ADGRL2: variants seen among roughly 807,000 people sequenced by gnomAD.
The protein encoded by ADGRL2 is adhesion G protein-coupled receptor L2.
ADGRL2 carries 44 observed loss-of-function variants against 157.4 expected under a neutral mutation model. The ratio of observed to expected loss-of-function variants is 0.28; its 90% CI spans 0.22 to 0.36. ADGRL2 has a LOEUF of 0.36. Among genes scored for constraint, ADGRL2 ranks in the 10% least tolerant of loss-of-function variants. The pLI is 1.00. For missense variants in ADGRL2, 1,510 were observed against 1,768.9 expected, an observed-to-expected ratio of 0.85 and a Z score of 2.63; for synonymous variants, 585 against 624.7, an observed-to-expected ratio of 0.94 and a Z score of 0.95.
chr1:81,446,471 T>C (rs1488101712), intron 2 of ADGRL2, among the ~76,000 whole-genome samples: 1 of 152,166 alleles, frequency 6.6e-6, no homozygotes, highest in Non-Finnish European at 1.5e-5. Context: ...GATTTGCCAA[T>C]AGTCCATGTT....
intron 3 of ADGRL2, among the ~76,000 whole-genome samples, chr1:81,670,272 A>G (rs780644301): frequency 2.6e-5 from 4 of 152,190 alleles, no homozygotes; most frequent in Non-Finnish European, 5.9e-5. Flanking sequence ...CTAAATTCTC[A>G]ATGCATTTGC....
At chr1:81,504,647 G>T (rs1325667112) in intron 2 of ADGRL2, among the ~76,000 whole-genome samples, 1 of 152,144 alleles carries the variant, frequency 6.6e-6, no homozygotes, top group Non-Finnish European at 1.5e-5. Context: ...ACGACTCAGG[G>T]ATCACGGGGG....
At chr1:81,613,686 G>T (rs1054234585) in intron 3 of ADGRL2, among the ~76,000 whole-genome samples, 1 of 152,182 alleles carries the variant, frequency 6.6e-6, no homozygotes, top group Non-Finnish European at 1.5e-5. Context: ...CAGAGAAATA[G>T]AATGATCAGA....
At chr1:81,808,007 C>G (rs1426529977) in intron 1 of ADGRL2, among the ~76,000 whole-genome samples, 1 of 150,526 alleles carries the variant, frequency 6.6e-6, no homozygotes, top group East Asian at 2.0e-4. Context: ...TAAACATTAT[C>G]TAAAGGAAAA....
intron 3 of ADGRL2, among the ~76,000 whole-genome samples, chr1:81,582,331 A>G (rs2080933159): frequency 6.6e-6 from 1 of 152,106 alleles, no homozygotes; most frequent in African/African-American, 2.4e-5. Flanking sequence ...TATTTTCTAA[A>G]ATGGTTGCCG....
chr1:81,482,851 T>C (rs564773478), intron 2 of ADGRL2, among the ~76,000 whole-genome samples: 17 of 151,448 alleles, frequency 1.1e-4, no homozygotes, highest in African/African-American at 3.4e-4. Flanking sequence ...ATTTTATACA[T>C]TATATTTATA....
At chr1:81,350,205 A>G (rs1215765407) in intron 1 of ADGRL2, among the ~76,000 whole-genome samples, 1 of 152,216 alleles carries the variant, frequency 6.6e-6, no homozygotes, top group African/African-American at 2.4e-5. Context: ...CTTTGAGTTC[A>G]TAAGTGCATA....
At chr1:81,621,920 G>A (rs1254969958) in intron 3 of ADGRL2, among the ~76,000 whole-genome samples, 1 of 152,184 alleles carries the variant, frequency 6.6e-6, no homozygotes, top group Non-Finnish European at 1.5e-5. Flanking sequence ...CCTGGTTGTA[G>A]TTTATCATAT....
At chr1:81,568,980 C>T (rs1189425227) in intron 2 of ADGRL2, among the ~76,000 whole-genome samples, 3 of 152,120 alleles carry the variant, frequency 2.0e-5, no homozygotes, top group African/African-American at 7.2e-5. Flanking sequence ...TCTATCGCAT[C>T]CCCTTTAGGT....
Position 81,726,866 on chromosome 1 carries a change from C to T in ADGRL2, c.-143+27058C>T, listed in dbSNP as rs114480540. On this transcript the variant is annotated intron_variant, in intron 1 of 20. Transcript: ENST00000359929. ...GGCCTGAATAAGAATCCATCCTAAGCTATCATTAGGGATTCACTGCTTTTA... is the reference window on the plus strand; with the variant it reads ...GGCCTGAATAAGAATCCATCCTAAGTTATCATTAGGGATTCACTGCTTTTA... Among the ~76,000 whole-genome samples the T allele has an allele frequency of 6.8e-3, 1,039 of 152,248 alleles. 16 individuals carry two copies. The highest frequency in any genetic ancestry group is 0.024 in the African/African-American group (992 of 41,548).
At chr1:81,464,804 G>T (rs901482563) in intron 2 of ADGRL2, among the ~76,000 whole-genome samples, 2 of 152,004 alleles carry the variant, frequency 1.3e-5, no homozygotes, top group Admixed American at 6.6e-5. Flanking sequence ...ATGAGGGGTG[G>T]CATATAATTA....
chr1:81,592,469 T>C (rs1390677649), intron 3 of ADGRL2, among the ~76,000 whole-genome samples: 2 of 152,208 alleles, frequency 1.3e-5, no homozygotes, highest in African/African-American at 4.8e-5. Context: ...CTAACAATAA[T>C]GCATCTGCCA....
Position 81,944,644 on chromosome 1 carries a change from C to T in ADGRL2, c.1210+875C>T, listed in dbSNP as rs372669736. 1.5e-4 allele frequency among the ~76,000 whole-genome samples: 23 copies of T among 152,046 alleles called. 1 individual carries two copies. The highest frequency in any genetic ancestry group is 5.5e-4 in the African/African-American group (23 of 41,512). On this transcript the variant is annotated intron_variant, in intron 6 of 23. Transcript: ENST00000686636. ...TATTTGAACAGTGTTTGTTTAAGAT[C>T]TGAATATCCTAATTTACTGAGTTAA...
At chr1:81,766,306 C>T (rs2149326924) in intron 2 of ADGRL2, among the ~76,000 whole-genome samples, 1 of 152,140 alleles carries the variant, frequency 6.6e-6, no homozygotes, top group Middle Eastern at 3.4e-3. Flanking sequence ...GAGTGGTTAG[C>T]CCATTTTGTT....
At chr1:81,451,822 CTA>C (rs1160408976) in intron 2 of ADGRL2, among the ~76,000 whole-genome samples, 3 of 152,216 alleles carry the variant, frequency 2.0e-5, no homozygotes, top group East Asian at 1.9e-4. Context: ...TAAAACCACT[CTA>C]TTTTATCTCA....
chr1:81,798,178 T>C (rs953876285), upstream of ADGRL2, among the ~76,000 whole-genome samples: 1 of 152,132 alleles, frequency 6.6e-6, no homozygotes, highest in African/African-American at 2.4e-5. Flanking sequence ...ACCTGTATTG[T>C]TATAAATTAT....
intron 1 of ADGRL2, among the ~76,000 whole-genome samples, chr1:81,802,915 C>T (rs2088490734): frequency 6.6e-6 from 1 of 152,236 alleles, no homozygotes; most frequent in East Asian, 1.9e-4. Flanking sequence ...CCGGGACTGG[C>T]TACGATTGGG....
chr1:81,476,490 A>C (rs1301350605), intron 2 of ADGRL2, among the ~76,000 whole-genome samples: 1 of 152,216 alleles, frequency 6.6e-6, no homozygotes, highest in Non-Finnish European at 1.5e-5. Flanking sequence ...TCCTTTCCAA[A>C]GTGAACACCT....
At chr1:81,526,721 T>C (rs2079466537) in intron 2 of ADGRL2, among the ~76,000 whole-genome samples, 1 of 152,254 alleles carries the variant, frequency 6.6e-6, no homozygotes, top group African/African-American at 2.4e-5. Flanking sequence ...TATGTAAATA[T>C]GCCTACCTTG....
Sources: allele counts gnomAD v4.1 joint callset (sites outside exome capture counted in the v4.1 genomes callset), GRCh38; gene constraint gnomAD v4.1.1; transcripts MANE v1.5; gene names NCBI Gene and HGNC (gene_info 2026-07-23, HGNC 2026-07-21).